ELP2: variants seen among roughly 807,000 people sequenced by gnomAD.
The protein encoded by ELP2 is elongator acetyltransferase complex subunit 2.
Under a neutral mutation model 119.2 loss-of-function variants are expected in ELP2, and 90 were observed. The observed-to-expected ratio is 0.75, with a 90% CI of 0.64 to 0.90. The LOEUF (loss-of-function observed/expected upper bound fraction) is 0.90. ELP2 is among the 40% of genes least tolerant of loss of function. ELP2 has a pLI of 0.00. For missense variants in ELP2, 921 were observed against 967.8 expected (o/e 0.95, Z 0.64); for synonymous variants, 339 against 331.0 (o/e 1.02, Z -0.26).
rs920215685 is a variant in ELP2, at chr18:36,146,324, C to T, written c.1068C>T (p.Ile356=). The T allele has an allele frequency of 1.2e-6, 2 of 1,614,112 alleles. No individual in the cohort carries two copies. Among genetic ancestry groups the T allele is most frequent in the Admixed American group, 3.3e-5 (2 of 60,024 alleles). ...AGTTCAATGAAGATGGCTCCATGATCATTGCTCATGCTTTCCACGGAGCGT... is the reference window on the plus strand; with the variant it reads ...AGTTCAATGAAGATGGCTCCATGATTATTGCTCATGCTTTCCACGGAGCGT... ...DCQFNEDGSM[I]IAHAFHGALH... The change falls in exon 11 of 22, where the codon ATC becomes ATT. Residue 356 remains isoleucine, a synonymous_variant. Transcript: ENST00000358232.
chr18:36,170,965 G>C, intron 20 of ELP2, 82 bp from the exon 21 acceptor site: 1 of 1,003,338 alleles, frequency 1.0e-6, no homozygotes, highest in Non-Finnish European at 1.6e-6. Flanking sequence ...TTGGGACACT[G>C]TGAAGAACTA....
In ELP2 at chr18:36,136,409, C is replaced by G. The variant is rs369113873; in HGVS notation, c.288+32C>G. On this transcript the variant is annotated intron_variant, in intron 3 of 21. Transcript: ENST00000358232. ...GGACATGTTTATAATCAAGAAATGACTTTTTTTGTTCATTTGTTTTTTAAG... is the reference window on the plus strand; with the variant it reads ...GGACATGTTTATAATCAAGAAATGAGTTTTTTTGTTCATTTGTTTTTTAAG... 3.8e-5 allele frequency: 58 copies of G among 1,534,302 alleles called. No homozygotes were observed. The Middle Eastern group carries it at 6.8e-4, about 18-fold the overall frequency.
intron 11 of ELP2, among the ~76,000 whole-genome samples, chr18:36,149,156 C>A (rs956991381): frequency 6.6e-6 from 1 of 152,194 alleles, no homozygotes; most frequent in Non-Finnish European, 1.5e-5. Context: ...TTTCTTTACT[C>A]TCAGCTGCTA....
At chr18:36,163,275 G>GGGGGGGTGTGTGTGTGTGTGT (rs1555644861) in intron 17 of ELP2, among the ~76,000 whole-genome samples, 1 of 145,482 alleles carries the variant, frequency 6.9e-6, no homozygotes, top group African/African-American at 2.5e-5. Flanking sequence ...GTTCATGGGG[G>GGGGGGGTGTGTGTGTGTGTGT]GTGTGTGTGT....
intron 3 of ELP2, 120 bp from the exon 4 acceptor site, chr18:36,138,150 T>A: frequency 1.0e-6 from 1 of 953,778 alleles, no homozygotes; most frequent in Non-Finnish European, 1.6e-6. Flanking sequence ...CTTGAAAAAT[T>A]CTTTTCAACT....
At chr18:36,171,243 T>A in intron 21 of ELP2, 83 bp downstream of exon 21, 1 of 882,018 alleles carries the variant, frequency 1.1e-6, no homozygotes, top group South Asian at 1.4e-5. Context: ...CACATTTTCA[T>A]GGAGAGGGAC....
intron 6 of ELP2, 56 bp from the exon 7 acceptor site, chr18:36,142,225 G>A: frequency 7.3e-7 from 1 of 1,376,210 alleles, no homozygotes; most frequent in Non-Finnish European, 1.0e-6. Context: ...GATGTCACTG[G>A]TATACATGAA....
At chr18:36,154,452 T>A (rs1368134918) in intron 11 of ELP2, among the ~76,000 whole-genome samples, 1 of 152,238 alleles carries the variant, frequency 6.6e-6, no homozygotes, top group East Asian at 1.9e-4. Context: ...GTTTAATAAA[T>A]ACATAGAACC....
At chr18:36,156,311 T>C (rs1792687207) in intron 12 of ELP2, among the ~76,000 whole-genome samples, 155 bp from the exon 13 acceptor site, 3 of 152,202 alleles carry the variant, frequency 2.0e-5, no homozygotes, top group Admixed American at 2.0e-4. Flanking sequence ...CTCTTGGTAA[T>C]TTTTACCAAT....
chr18:36,151,926 G>A (rs933817148), intron 11 of ELP2, among the ~76,000 whole-genome samples: 12 of 146,356 alleles, frequency 8.2e-5, no homozygotes, highest in African/African-American at 3.0e-4. Context: ...TTTTTTTTTT[G>A]TATTTTTAGG....
chr18:36,158,670 G>C (rs1348082262), intron 13 of ELP2, 165 bp from the exon 14 acceptor site: 4 of 579,746 alleles, frequency 6.9e-6, no homozygotes, highest in Non-Finnish European at 1.2e-5. Context: ...GGTTCAGGAA[G>C]TGAAAGTACG....
chr18:36,134,599 G>A (rs1005075973), intron 2 of ELP2, among the ~76,000 whole-genome samples: 1 of 152,070 alleles, frequency 6.6e-6, no homozygotes, highest in Non-Finnish European at 1.5e-5. Context: ...TTTCTAATGT[G>A]GTTAATATTG....
At chr18:36,140,164 A>G (rs932813312) in intron 5 of ELP2, among the ~76,000 whole-genome samples, 2 of 151,004 alleles carry the variant, frequency 1.3e-5, no homozygotes, top group Admixed American at 1.3e-4. Context: ...AGCTTTGTAA[A>G]TTTTTTATTT....
At chr18:36,138,091 T>C (rs2089894242) in intron 3 of ELP2, 179 bp from the exon 4 acceptor site, 1 of 602,538 alleles carries the variant, frequency 1.7e-6, no homozygotes, top group Admixed American at 2.8e-5. Flanking sequence ...GATTGCTGTG[T>C]CACAGGGCAT....
intron 14 of ELP2, 128 bp from the exon 15 acceptor site, chr18:36,159,607 C>T (rs1357675611): frequency 1.6e-5 from 12 of 756,846 alleles, no homozygotes; most frequent in Admixed American, 9.6e-5. Context: ...TTTGGAATCA[C>T]ATGGACACAG....
chr18:36,131,930 C>CTTTTTTTTTT (rs5823996), intron 1 of ELP2, among the ~76,000 whole-genome samples: 2 of 79,876 alleles, frequency 2.5e-5, no homozygotes, highest in Middle Eastern at 0.011. Context: ...GCTGGTCGGG[C>CTTTTTTTTTT]TTTTTTTTTT....
chr18:36,143,626 G>T (rs2090110565), intron 8 of ELP2, among the ~76,000 whole-genome samples: 1 of 151,650 alleles, frequency 6.6e-6, no homozygotes, highest in Non-Finnish European at 1.5e-5. Context: ...TCAACTACTG[G>T]CCTCAAATGA....
intron 11 of ELP2, among the ~76,000 whole-genome samples, chr18:36,148,414 G>A (rs796851172): frequency 1.8e-4 from 27 of 152,294 alleles, no homozygotes; most frequent in African/African-American, 6.3e-4. Flanking sequence ...GGGAAGATTA[G>A]AGGCCTGACC....
chr18:36,138,031 A>G (rs964034844), intron 3 of ELP2: 7 of 475,950 alleles, frequency 1.5e-5, no homozygotes, highest in South Asian at 1.3e-4. Flanking sequence ...AAGTTGACCT[A>G]TATTCTTCAG....
Sources: allele counts gnomAD v4.1 joint callset (sites outside exome capture counted in the v4.1 genomes callset), GRCh38; gene constraint gnomAD v4.1.1; transcripts MANE v1.5; gene names NCBI Gene and HGNC (gene_info 2026-07-23, HGNC 2026-07-21).